The following DHX37 variants were observed in gnomAD, a reference collection of about 807,000 sequenced individuals.
DHX37 encodes the protein DEAH-box helicase 37, also known as probable ATP-dependent RNA helicase DHX37.
DHX37 carries 52 observed loss-of-function variants against 134.3 expected under a neutral mutation model. The observed-to-expected ratio is 0.39, with a 90% CI of 0.31 to 0.49. The LOEUF is 0.49. Among genes scored for constraint, DHX37 ranks in the 20% least tolerant of loss-of-function variants. The pLI, the probability that DHX37 is intolerant of heterozygous loss-of-function variation, is 0.93. For synonymous variants in DHX37, 634 were observed against 670.7 expected, an observed-to-expected ratio of 0.95 and a Z score of 0.85; for missense variants, 1,344 against 1,580.8, an observed-to-expected ratio of 0.85 and a Z score of 2.54.
chr12:124,985,992 AGTTC>A, intron 2 of DHX37, 100 bp downstream of exon 2: 1 of 1,428,852 alleles, frequency 7.0e-7, no homozygotes, highest in South Asian at 1.3e-5. Flanking sequence ...CATTCCAGAA[AGTTC>A]TATTAGTTGC....
chr12:124,966,041 C>G (rs1443161881), intron 12 of DHX37, among the ~76,000 whole-genome samples: 2 of 152,226 alleles, frequency 1.3e-5, no homozygotes, highest in Non-Finnish European at 2.9e-5. Flanking sequence ...TGTGTGAACA[C>G]ACGTGAGGAA....
chr12:124,961,503 A>G (rs1035513473), intron 15 of DHX37, among the ~76,000 whole-genome samples: 9 of 152,148 alleles, frequency 5.9e-5, no homozygotes, highest in Non-Finnish European at 8.8e-5. Context: ...ATCTTGGCTC[A>G]CTGCAACCTC....
intron 4 of DHX37, among the ~76,000 whole-genome samples, chr12:124,978,887 A>G (rs1954700274): frequency 6.6e-6 from 1 of 151,652 alleles, no homozygotes; most frequent in African/African-American, 2.4e-5. Context: ...AACTGTGATC[A>G]CACCACTGCA....
At chr12:124,953,668 A>G in intron 20 of DHX37, 1 of 820,902 alleles carries the variant, frequency 1.2e-6, no homozygotes, top group Non-Finnish European at 1.8e-6. Context: ...GGGAGGGTGC[A>G]GGCTGGCAGC....
intron 4 of DHX37, among the ~76,000 whole-genome samples, chr12:124,978,812 G>C (rs1321611901): frequency 6.6e-6 from 1 of 151,622 alleles, no homozygotes; most frequent in Non-Finnish European, 1.5e-5. Flanking sequence ...CATATCTGTA[G>C]TGCCAGCTAC....
At chr12:124,973,403 C>T (rs1204277794) in intron 6 of DHX37, among the ~76,000 whole-genome samples, 1 of 129,650 alleles carries the variant, frequency 7.7e-6, no homozygotes, top group Non-Finnish European at 1.6e-5. Context: ...AACTCCGTCT[C>T]AAAAAAGAAA....
intron 8 of DHX37, among the ~76,000 whole-genome samples, chr12:124,970,154 A>T (rs1255244127): frequency 6.6e-6 from 1 of 152,022 alleles, no homozygotes; most frequent in Admixed American, 6.6e-5. Context: ...TCGTTTTTTT[A>T]GTAGAGACAG....
chr12:124,967,278 A>G (rs1445882713), intron 10 of DHX37, 60 bp from the exon 11 acceptor site: 103 of 1,560,394 alleles, frequency 6.6e-5, no homozygotes, highest in Non-Finnish European at 8.7e-5. Context: ...TTGCTTAGCA[A>G]AAGCACCTGC....
chr12:124,970,458 G>A lies in DHX37; in HGVS notation c.1191+844C>T, dbSNP rs143285472. On this transcript the variant is annotated intron_variant, in intron 8 of 26. Coordinates refer to ENST00000308736, the MANE Select transcript of DHX37 (RefSeq NM_032656.4). ...AGGCACCAGGCAGACGCCCGCCTCA[G>A]GACCTTTGCATTGCTCTCCTCCAGT... Among the ~76,000 whole-genome samples the A allele has an allele frequency of 2.0e-3, 297 of 152,302 alleles. 1 individual carries two copies. The highest frequency in any genetic ancestry group is 6.7e-3 in the African/African-American group (279 of 41,558).
rs1398331217 is a variant in DHX37 at position 124,961,274 on chromosome 12, G to GCACA, written c.2046-852_2046-851insTGTG. On this transcript the variant is annotated intron_variant, in intron 15 of 26. Transcript: ENST00000308736. ...CACGCACGCACACACATACACGCGT[G>GCACA]CACGCACACACACTTACACGCGTGC... is the stretch of plus-strand genomic sequence containing the variant. 2.9e-3 allele frequency among the ~76,000 whole-genome samples: 267 copies of GCACA among 91,624 alleles called. 4 individuals carry two copies. The highest frequency in any genetic ancestry group is 0.017 in the African/African-American group (243 of 14,030). The allele number at this position is 91,624 out of a possible 152,430, so 60.1% of individuals were successfully genotyped here.
chr12:124,971,310 GGA>G lies in DHX37; in HGVS notation c.1181_1182del (p.Leu394ProfsTer3). ...CCCGCCTCCTGCGCTACCTTAGCCC[GGA>G]GAGTCACAATGCGGGACAGGAGGCC... ...LIGLLSRIVT[L>X]RAKRNLPLKL... On this transcript the variant is annotated frameshift_variant, in exon 8 of 27. Coordinates refer to ENST00000308736, the MANE Select transcript of DHX37 (RefSeq NM_032656.4). LOFTEE classifies it high-confidence loss of function. 1 of 1,612,640 alleles carries G rather than the reference GGA, an allele frequency of 6.2e-7. No individual in the cohort carries two copies. Among genetic ancestry groups the G allele is most frequent in the Non-Finnish European group, 8.5e-7 (1 of 1,179,924 alleles).
Position 124,952,340 on chromosome 12 carries a change from G to A in DHX37, c.2868+58C>T, listed in dbSNP as rs1373903737. The A allele has an allele frequency of 1.8e-5, 27 of 1,511,536 alleles. No individual in the cohort carries two copies. The Admixed American group carries it at 3.5e-4, about 19-fold the overall frequency. 93.6% of individuals were successfully genotyped at this position (1,511,536 alleles called of 1,614,324 possible). Reference sequence around the variant, plus strand: ...TCCCCAGACCCTGAGGGCCCAGCCCGCCTGCCCCTCACCAGGTGCCCCAAG... The same window carrying A: ...TCCCCAGACCCTGAGGGCCCAGCCCACCTGCCCCTCACCAGGTGCCCCAAG... On this transcript the variant is annotated intron_variant, in intron 21 of 26. Transcript: ENST00000308736.
chr12:124,947,612 C>T lies in DHX37; in HGVS notation c.*190G>A. ...AACAGTTCAAAAAGTCACCCCCGGG[C>T]CAGATGGCACGGGCGGCAGCACCCT... On this transcript the variant is annotated 3_prime_UTR_variant, in exon 27 of 27. Transcript: ENST00000308736. The T allele has an allele frequency of 1.5e-6, 1 of 664,196 alleles. No individual in the cohort carries two copies. Among genetic ancestry groups the T allele is most frequent in the South Asian group, 2.4e-5 (1 of 41,414 alleles). The allele number at this position is 664,196 out of a possible 1,614,324, so 41.1% of individuals were successfully genotyped here.
Position 124,976,755 on chromosome 12 carries a change from G to A in DHX37, c.887+587C>T, listed in dbSNP as rs187487717. On this transcript the variant is annotated intron_variant, in intron 5 of 26. Coordinates refer to ENST00000308736, the MANE Select transcript of DHX37 (RefSeq NM_032656.4). ...TGAGGCAGGAGAATGGCGTGAACCC[G>A]GGAGGCGCAGCTTGCAGTGAGCCGA... Among the ~76,000 whole-genome samples the A allele has an allele frequency of 2.0e-3, 304 of 151,114 alleles. 7 individuals carry two copies. In the East Asian group the frequency reaches 0.046, roughly 23 times the overall value.
intron 9 of DHX37, 24 bp downstream of exon 9, chr12:124,968,843 A>G (rs1406120822): frequency 6.2e-7 from 1 of 1,613,584 alleles, no homozygotes; most frequent in African/African-American, 1.3e-5. Flanking sequence ...CCAAGCTCAC[A>G]GAGGACATGG....
At chr12:124,972,423 G>T in intron 7 of DHX37, 80 bp downstream of exon 7, 1 of 1,474,490 alleles carries the variant, frequency 6.8e-7, no homozygotes, top group Non-Finnish European at 9.5e-7. Flanking sequence ...CTTGCCGGCT[G>T]CTCATATCCC....
In DHX37 at chr12:124,975,597, C is replaced by T; in HGVS notation, c.888-86G>A. ...TCATGCAGTTCCACAGCAAGATTTG[C>T]CATACTGACCTGGCGCTCACCCAGG... On this transcript the variant is annotated intron_variant, in intron 5 of 26. Transcript: ENST00000308736. 4 of 1,428,704 alleles carry T rather than the reference C, an allele frequency of 2.8e-6. No individual in the cohort carries two copies. The South Asian group carries it at 4.8e-5, about 17-fold the overall frequency. The allele number at this position is 1,428,704 out of a possible 1,614,324, so 88.5% of individuals were successfully genotyped here.
At chr12:124,974,234 G>C (rs527402439) in intron 6 of DHX37, among the ~76,000 whole-genome samples, 23 of 152,102 alleles carry the variant, frequency 1.5e-4, no homozygotes, top group Non-Finnish European at 2.5e-4. Flanking sequence ...GATTACAGGC[G>C]TGAGCCACCG....
chr12:124,984,422 A>G (rs371259581), intron 2 of DHX37, among the ~76,000 whole-genome samples: 3 of 152,200 alleles, frequency 2.0e-5, no homozygotes, highest in East Asian at 3.9e-4. Flanking sequence ...AATCCCAGCT[A>G]CTCGGGAGGC....
Sources: gnomAD v4.1 joint callset for allele counts (sites outside exome capture counted in the v4.1 genomes callset) on GRCh38, gnomAD v4.1.1 for gene constraint, MANE v1.5 for transcripts, NCBI Gene and HGNC (gene_info 2026-07-23, HGNC 2026-07-21) for gene names.